KIAA1671: variants seen among roughly 807,000 people sequenced by gnomAD.
The protein encoded by KIAA1671 is uncharacterized protein KIAA1671.
KIAA1671 carries 52 observed loss-of-function variants against 131.2 expected under a neutral mutation model. The ratio of observed to expected loss-of-function variants is 0.40; its 90% CI spans 0.32 to 0.50. KIAA1671 has a LOEUF of 0.50. KIAA1671 is among the 20% of genes least tolerant of loss of function. The pLI is 0.73. For missense variants in KIAA1671, 2,360 were observed against 2,364.2 expected (o/e 1.00, Z 0.04); for synonymous variants, 1,003 against 961.6 (o/e 1.04, Z -0.80).
At chr22:25,108,525 G>C (rs1352041342) in intron 6 of KIAA1671, among the ~76,000 whole-genome samples, 1 of 152,186 alleles carries the variant, frequency 6.6e-6, no homozygotes, top group Admixed American at 6.5e-5. Flanking sequence ...CACTTTGGAT[G>C]CCAGAAGTCC....
chr22:24,983,683 G>C (rs551124162), intron 1 of KIAA1671, among the ~76,000 whole-genome samples: 1 of 148,324 alleles, frequency 6.7e-6, no homozygotes, highest in Non-Finnish European at 1.5e-5. Context: ...TCTGGCAGGA[G>C]TGCGGCACAG....
At chr22:25,111,297 C>A (rs1054973966) in intron 6 of KIAA1671, among the ~76,000 whole-genome samples, 5 of 152,240 alleles carry the variant, frequency 3.3e-5, no homozygotes, top group African/African-American at 1.2e-4. Flanking sequence ...GCTGTGAGGG[C>A]ACAGGGGTGG....
intron 1 of KIAA1671, among the ~76,000 whole-genome samples, chr22:24,984,069 C>T (rs1168052106): frequency 6.6e-6 from 1 of 152,068 alleles, no homozygotes; most frequent in South Asian, 2.1e-4. Context: ...TGAGCAACCG[C>T]GCCTGGCCGG....
chr22:25,042,758 C>T (rs1322881042), intron 5 of KIAA1671, among the ~76,000 whole-genome samples: 3 of 152,032 alleles, frequency 2.0e-5, no homozygotes, highest in Non-Finnish European at 4.4e-5. Context: ...CAGGCGCGAG[C>T]CACTGCGCCC....
intron 1 of KIAA1671, among the ~76,000 whole-genome samples, chr22:24,966,099 A>G (rs1280137530): frequency 6.6e-6 from 1 of 152,206 alleles, no homozygotes; most frequent in African/African-American, 2.4e-5. Context: ...TTATTAATAC[A>G]CGAGAATCTC....
At chr22:24,969,270 T>C (rs1922473302) in intron 1 of KIAA1671, among the ~76,000 whole-genome samples, 1 of 152,156 alleles carries the variant, frequency 6.6e-6, no homozygotes, top group Non-Finnish European at 1.5e-5. Flanking sequence ...GTTCCAGATC[T>C]CCCTCAGATA....
In KIAA1671 at chr22:25,041,125, T is replaced by G; in HGVS notation, c.3995T>G (p.Phe1332Cys). ...TTTGCTGAGGATGACAGAAAGGCCT[T>G]TGCCAGTAAACATCATGTTGCAAAG... The part of the protein sequence containing the change: ...TGFAEDDRKA[F>C]ASKHHVAKCQ... Residue 1332 changes from phenylalanine (F) to cysteine (C), a missense_variant, in exon 5 of 13, where the codon TTT becomes TGT. Phe to Cys is a radical substitution (Grantham distance 205). Coordinates refer to ENST00000358431, the MANE Select transcript of KIAA1671 (RefSeq NM_001145206.2). 6.5e-7 allele frequency: 1 copy of G among 1,550,306 alleles called. No individual in the cohort carries two copies. Among genetic ancestry groups the G allele is most frequent in the Non-Finnish European group, 8.7e-7 (1 of 1,146,108 alleles).
intron 6 of KIAA1671, among the ~76,000 whole-genome samples, chr22:25,101,049 A>G (rs1311533193): frequency 6.6e-6 from 1 of 152,196 alleles, no homozygotes; most frequent in African/African-American, 2.4e-5. Flanking sequence ...GTTGTTTCCC[A>G]AGAACATCTT....
In KIAA1671 at chr22:25,177,439, G is replaced by A. The variant is rs867929258; in HGVS notation, c.4991G>A (p.Arg1664Gln). 13 of 1,551,746 alleles carry A rather than the reference G, an allele frequency of 8.4e-6. No individual in the cohort carries two copies. In the Middle Eastern group the frequency reaches 6.7e-4, roughly 80 times the overall value. Residue 1664 changes from arginine to glutamine, a missense_variant, in exon 9 of 13, where the codon CGG (arginine) becomes CAG (glutamine). By Grantham distance (43) the Arg-to-Gln change is conservative (BLOSUM62 1). Coordinates refer to ENST00000358431, the MANE Select transcript of KIAA1671 (RefSeq NM_001145206.2). ...RRRAPISHSLRRSRFSESESR... is the reference protein window; with the variant it reads ...RRRAPISHSLQRSRFSESESR... ...CGGGCCCCCATCTCCCACTCCCTCC[G>A]GCGCAGCCGATTTAGTGAGTCCGAG... is the stretch of plus-strand genomic sequence containing the variant.
intron 6 of KIAA1671, among the ~76,000 whole-genome samples, chr22:25,153,399 G>A (rs562505548): frequency 2.0e-5 from 3 of 152,248 alleles, no homozygotes; most frequent in African/African-American, 7.2e-5. Context: ...TGGAGTCCAG[G>A]GATCCCACAT....
chr22:25,078,854 G>A (rs1929246298), intron 6 of KIAA1671, among the ~76,000 whole-genome samples: 1 of 152,130 alleles, frequency 6.6e-6, no homozygotes, highest in African/African-American at 2.4e-5. Flanking sequence ...TGAGCTGTGG[G>A]CGCCTTTTTA....
chr22:25,112,584 A>C, intron 6 of KIAA1671: 1 of 394,648 alleles, frequency 2.5e-6, no homozygotes, highest in Non-Finnish European at 4.5e-6. Flanking sequence ...AATAGTTGTC[A>C]GTCAAAGCCC....
intron 6 of KIAA1671, among the ~76,000 whole-genome samples, chr22:25,157,805 T>C (rs5996841): frequency 0.28 from 42,773 of 151,780 alleles, 6,158 homozygotes; most frequent in South Asian, 0.39. Flanking sequence ...ACATAGTTTT[T>C]TTTTTTTCCT....
intron 6 of KIAA1671, among the ~76,000 whole-genome samples, chr22:25,073,942 C>T (rs1251165693): frequency 6.6e-6 from 1 of 152,196 alleles, no homozygotes; most frequent in Non-Finnish European, 1.5e-5. Flanking sequence ...GATCTGCCCG[C>T]CTGGGCCTCC....
chr22:25,105,115 G>A (rs1490755936), intron 6 of KIAA1671, among the ~76,000 whole-genome samples: 5 of 151,566 alleles, frequency 3.3e-5, no homozygotes, highest in South Asian at 2.1e-4. Flanking sequence ...CATACCTCCC[G>A]GGTTCAAGCA....
In KIAA1671 at chr22:25,039,604, G is replaced by T. The variant is rs1247935084; in HGVS notation, c.2474G>T (p.Gly825Val). The change falls in exon 5 of 13, where the codon GGG becomes GTG. Residue 825 changes from glycine to valine, a missense_variant. Physicochemically the swap from Gly to Val is moderately radical, Grantham distance 109 (BLOSUM62 -3). Around this residue, in one of 3 missense-constraint regions of KIAA1671, gnomAD observed 1,185 missense variants for 1,126.2 expected, o/e 1.05. Coordinates refer to ENST00000358431, the MANE Select transcript of KIAA1671 (RefSeq NM_001145206.2). ...TGCCCGTTTCCCAAATGGACAGGCG[G>T]GGCAGTGGTGAGCTCGCACAAAGCC... ...GNCPFPKWTG[G>V]AVVSSHKATV... 1 of 1,551,318 alleles carries T rather than the reference G, an allele frequency of 6.4e-7. No homozygotes were observed. The highest frequency in any genetic ancestry group is 8.7e-7 in the Non-Finnish European group (1 of 1,146,772).
intron 4 of KIAA1671, among the ~76,000 whole-genome samples, chr22:25,036,676 C>G (rs978376733): frequency 6.6e-6 from 1 of 151,900 alleles, no homozygotes; most frequent in African/African-American, 2.4e-5. Flanking sequence ...CCCAGCACTT[C>G]GGGAAGCCAA....
Position 25,071,093 on chromosome 22 carries a change from C to T in KIAA1671, c.4530+21729C>T, listed in dbSNP as rs1410895099. 3.9e-5 allele frequency among the ~76,000 whole-genome samples: 6 copies of T among 152,320 alleles called. No homozygotes were observed. The East Asian group carries it at 1.2e-3, about 29-fold the overall frequency. Reference sequence around the variant, plus strand: ...ACTTCTCCTCTCTGGGTTTCTGTTTCCTCCTCTGTGAAATAAGGAGTGGGT... The same window carrying T: ...ACTTCTCCTCTCTGGGTTTCTGTTTTCTCCTCTGTGAAATAAGGAGTGGGT... On this transcript the variant is annotated intron_variant, in intron 6 of 12. Transcript: ENST00000358431.
intron 6 of KIAA1671, among the ~76,000 whole-genome samples, chr22:25,160,951 G>A (rs1321102487): frequency 6.6e-6 from 1 of 152,174 alleles, no homozygotes; most frequent in Non-Finnish European, 1.5e-5. Context: ...GTCCATGGGA[G>A]GGGATGTTGT....
Sources: gnomAD v4.1 joint callset for allele counts (sites outside exome capture counted in the v4.1 genomes callset) on GRCh38, gnomAD v4.1.1 for gene constraint, gnomAD v4.1.1 regional missense constraint, MANE v1.5 for transcripts, NCBI Gene and HGNC (gene_info 2026-07-23, HGNC 2026-07-21) for gene names.